The following SUMF1 variants were observed in gnomAD, a reference collection of about 807,000 sequenced individuals.
The protein encoded by SUMF1 is sulfatase modifying factor 1.
In SUMF1, 48 loss-of-function variants were observed where a neutral mutation model predicts 47.6. The ratio of observed to expected loss-of-function variants is 1.01; its 90% CI spans 0.80 to 1.28. The LOEUF (loss-of-function observed/expected upper bound fraction) is 1.28, where lower values mean the gene tolerates loss of function less well. Among genes scored for constraint, SUMF1 ranks in the 50% most tolerant of loss-of-function variants. The probability of loss-of-function intolerance (pLI) is 0.00; values close to 1 mark genes in which losing one functional copy is unlikely to be tolerated. For synonymous variants in SUMF1, 230 were observed against 192.1 expected, an observed-to-expected ratio of 1.20 and a Z score of -1.63; for missense variants, 571 against 485.4, an observed-to-expected ratio of 1.18 and a Z score of -1.66.
chr3:4,172,958 G>A (rs373571009), intron 8 of SUMF1, among the ~76,000 whole-genome samples: 1 of 152,256 alleles, frequency 6.6e-6, no homozygotes, highest in South Asian at 2.1e-4. Context: ...TATTGCCTCG[G>A]TTTTCTTCTA....
At chr3:4,310,074 G>C (rs1329296382) in intron 8 of SUMF1, among the ~76,000 whole-genome samples, 2 of 152,180 alleles carry the variant, frequency 1.3e-5, no homozygotes, top group African/African-American at 4.8e-5. Context: ...TAACGCAGTG[G>C]TGTTTGTGTA....
chr3:4,247,202 C>A (rs914582575), intron 8 of SUMF1, among the ~76,000 whole-genome samples: 1 of 152,090 alleles, frequency 6.6e-6, no homozygotes. Context: ...GAGTCAAGGC[C>A]AAGTAATTAA....
intron 8 of SUMF1, among the ~76,000 whole-genome samples, chr3:4,075,804 G>A (rs1692419950): frequency 6.6e-6 from 1 of 152,058 alleles, no homozygotes; most frequent in Admixed American, 6.5e-5. Flanking sequence ...CCCCTTCAAG[G>A]AGAACTACAA....
At chr3:4,215,762 C>G (rs566284136) in intron 8 of SUMF1, among the ~76,000 whole-genome samples, 1 of 152,030 alleles carries the variant, frequency 6.6e-6, no homozygotes, top group South Asian at 2.1e-4. Flanking sequence ...AGACAGAGAG[C>G]CAAATCATGA....
intron 8 of SUMF1, among the ~76,000 whole-genome samples, chr3:4,210,298 A>T (rs1263132914): frequency 6.6e-6 from 1 of 152,190 alleles, no homozygotes; most frequent in Non-Finnish European, 1.5e-5. Flanking sequence ...TTTATTGGAA[A>T]ATGTACATGA....
intron 4 of SUMF1, among the ~76,000 whole-genome samples, chr3:4,418,600 T>A (rs1457259845): frequency 6.6e-6 from 1 of 152,226 alleles, no homozygotes; most frequent in African/African-American, 2.4e-5. Context: ...GGCCCCTGTG[T>A]TGGGTGGAGC....
intron 8 of SUMF1, among the ~76,000 whole-genome samples, chr3:4,151,300 T>G (rs1694316732): frequency 6.7e-6 from 1 of 148,888 alleles, no homozygotes; most frequent in Non-Finnish European, 1.5e-5. Flanking sequence ...GGAGTGCTGC[T>G]GCTAGTCTGG....
At chr3:4,437,811 C>T (rs1179827742) in intron 3 of SUMF1, among the ~76,000 whole-genome samples, 2 of 152,008 alleles carry the variant, frequency 1.3e-5, no homozygotes, top group African/African-American at 2.4e-5. Context: ...TGGTGGTGCA[C>T]TCCTGTAATT....
chr3:4,238,992 T>C (rs192600279), intron 8 of SUMF1, among the ~76,000 whole-genome samples: 15 of 152,290 alleles, frequency 9.8e-5, no homozygotes, highest in Admixed American at 9.8e-4. Flanking sequence ...TTTCTGCATA[T>C]GGCTAGCCAG....
intron 9 of SUMF1, among the ~76,000 whole-genome samples, chr3:4,056,892 C>A (rs1307588410): frequency 6.6e-6 from 1 of 151,988 alleles, no homozygotes; most frequent in South Asian, 2.1e-4. Flanking sequence ...CAGGTGCCTG[C>A]CACCACGCCC....
chr3:4,456,863 T>TATATATATAC (rs2079646886), intron 1 of SUMF1, among the ~76,000 whole-genome samples: 1 of 13,692 alleles, frequency 7.3e-5, no homozygotes, highest in African/African-American at 2.8e-4. Flanking sequence ...TATATATATG[T>TATATATATAC]GTGTGTATAT....
chr3:4,456,515 G>T (rs543122062), intron 1 of SUMF1, among the ~76,000 whole-genome samples: 2 of 144,988 alleles, frequency 1.4e-5, no homozygotes, highest in African/African-American at 5.1e-5. Flanking sequence ...GCAGTAGCAC[G>T]ATCTCGGCTC....
chr3:4,181,081 G>C (rs1212412258), intron 8 of SUMF1, among the ~76,000 whole-genome samples: 1 of 152,082 alleles, frequency 6.6e-6, no homozygotes, highest in African/African-American at 2.4e-5. Flanking sequence ...ATAATCACAG[G>C]AATTTCTTTC....
At chr3:4,280,814 CGTGTGTGTGTGTGT>C (rs56919301) in intron 8 of SUMF1, among the ~76,000 whole-genome samples, 3,241 of 138,054 alleles carry the variant, frequency 0.023, 106 homozygotes, top group African/African-American at 0.066. Flanking sequence ...TGGCATTCAC[CGTGTGTGTGTGTGT>C]GTGTGTGTGT....
intron 8 of SUMF1, among the ~76,000 whole-genome samples, chr3:4,262,594 C>T (rs1175450653): frequency 1.3e-5 from 2 of 152,174 alleles, no homozygotes; most frequent in Admixed American, 6.5e-5. Context: ...TTACCCAAGA[C>T]ATAGCACAAT....
Position 4,258,334 on chromosome 3 carries a change from A to C in SUMF1, c.1014+117996T>G, listed in dbSNP as rs1427885291. Among the ~76,000 whole-genome samples the C allele has an allele frequency of 1.1e-4, 16 of 146,636 alleles. 2 individuals carry two copies. Among genetic ancestry groups the C allele is most frequent in the Non-Finnish European group, 9.0e-5 (6 of 66,884 alleles). ...ATCAGAGTGAACAGGCAACCTACAA[A>C]ATGGGAGAAAATTTTCACAACCTAC... On this transcript the variant is annotated intron_variant and NMD_transcript_variant, in intron 8 of 12. Coordinates refer to the SUMF1 transcript ENST00000448413.
chr3:4,224,310 C>T (rs1000563585), intron 8 of SUMF1, among the ~76,000 whole-genome samples: 5 of 152,030 alleles, frequency 3.3e-5, no homozygotes, highest in African/African-American at 1.2e-4. Context: ...CAACAGATGG[C>T]CTAGCTGGGA....
chr3:4,079,173 C>T (rs543731388), intron 8 of SUMF1, among the ~76,000 whole-genome samples: 1 of 152,110 alleles, frequency 6.6e-6, no homozygotes, highest in African/African-American at 2.4e-5. Context: ...TAACAACATC[C>T]ATGTCATCAG....
chr3:4,248,510 T>C (rs956968972), intron 8 of SUMF1, among the ~76,000 whole-genome samples: 1 of 152,164 alleles, frequency 6.6e-6, no homozygotes, highest in Non-Finnish European at 1.5e-5. Flanking sequence ...CTAGTCTGGA[T>C]TAATGAGTGG....
Sources: allele counts gnomAD v4.1 joint callset (sites outside exome capture counted in the v4.1 genomes callset), GRCh38; gene constraint gnomAD v4.1.1; transcripts MANE v1.5; gene names NCBI Gene and HGNC (gene_info 2026-07-23, HGNC 2026-07-21).